Variants in TRIM44 observed in about 807,000 individuals in gnomAD.
The protein encoded by TRIM44 is tripartite motif containing 44, also known as tripartite motif-containing protein 44.
A neutral mutation model predicts 37.4 loss-of-function variants in TRIM44; 13 were observed. The observed-to-expected ratio is 0.35, with a 90% CI of 0.23 to 0.55. TRIM44 has a LOEUF of 0.55. TRIM44 is among the 20% of genes least tolerant of loss of function. TRIM44 has a pLI of 0.89. For synonymous variants in TRIM44, 175 were observed against 157.2 expected, an observed-to-expected ratio of 1.11 and a Z score of -0.85; for missense variants, 426 against 437.2, an observed-to-expected ratio of 0.97 and a Z score of 0.23.
intron 3 of TRIM44, 103 bp from the exon 4 acceptor site, chr11:35,735,323 G>C: frequency 9.4e-7 from 1 of 1,060,816 alleles, no homozygotes; most frequent in Admixed American, 1.8e-5. Flanking sequence ...TAAATGTATA[G>C]TCCATGCATT....
chr11:35,669,946 C>G (rs576451876), intron 1 of TRIM44, among the ~76,000 whole-genome samples: 30 of 152,164 alleles, frequency 2.0e-4, no homozygotes, highest in African/African-American at 7.0e-4. Flanking sequence ...CTCAGCCTCC[C>G]AAGTAGTAGG....
intron 1 of TRIM44, among the ~76,000 whole-genome samples, chr11:35,684,266 A>G (rs1208328705): frequency 6.6e-6 from 1 of 152,250 alleles, no homozygotes; most frequent in East Asian, 1.9e-4. Context: ...TAGCATAAAA[A>G]AAAATCTCAT....
At chr11:35,700,975 A>C (rs1279289633) in intron 2 of TRIM44, among the ~76,000 whole-genome samples, 1 of 152,216 alleles carries the variant, frequency 6.6e-6, no homozygotes, top group Non-Finnish European at 1.5e-5. Context: ...ATAACTACAC[A>C]GAAGATTCAG....
At chr11:35,678,117 T>A (rs1265613358) in intron 1 of TRIM44, among the ~76,000 whole-genome samples, 2 of 152,192 alleles carry the variant, frequency 1.3e-5, no homozygotes, top group Non-Finnish European at 2.9e-5. Context: ...GAGGTCAGAT[T>A]ACCAAGTAGG....
At chr11:35,747,480 C>T (rs1161544378) in intron 4 of TRIM44, among the ~76,000 whole-genome samples, 8 of 152,202 alleles carry the variant, frequency 5.3e-5, no homozygotes, top group Non-Finnish European at 1.2e-4. Flanking sequence ...AACTATTATA[C>T]TGTACTGCCT....
chr11:35,799,751 T>C (rs1260727386), intron 4 of TRIM44, among the ~76,000 whole-genome samples: 1 of 152,150 alleles, frequency 6.6e-6, no homozygotes, highest in Non-Finnish European at 1.5e-5. Flanking sequence ...GGTGAGTTTA[T>C]GTATATAGAT....
intron 1 of TRIM44, among the ~76,000 whole-genome samples, chr11:35,679,513 A>C (rs902042609): frequency 1.3e-5 from 2 of 152,210 alleles, no homozygotes; most frequent in Non-Finnish European, 2.9e-5. Flanking sequence ...TAGCAACTTC[A>C]GATATCTACC....
At chr11:35,756,468 T>C (rs1276770502) in intron 4 of TRIM44, among the ~76,000 whole-genome samples, 6 of 152,316 alleles carry the variant, frequency 3.9e-5, no homozygotes, top group South Asian at 2.1e-4. Context: ...CAATTTGACT[T>C]CCTCTTTTCC....
rs942897417 is a variant in TRIM44, at chr11:35,817,392, G to A, written c.*11007G>A. 2 of 152,182 alleles carry A rather than the reference G, an allele frequency of 1.3e-5. No individual in the cohort carries two copies. Among genetic ancestry groups the A allele is most frequent in the Non-Finnish European group, 2.9e-5 (2 of 68,038 alleles). The allele number at this position is 152,182 out of a possible 1,614,324, so 9.4% of individuals were successfully genotyped here. A position where few individuals can be genotyped will look rare whatever the true frequency, so the allele number is the denominator to read the frequency against. Reference sequence around the variant, plus strand: ...TCTCTCTACATGCGCCTAAAATGACGGGTAGGGTCAGAGACATTGGAGGAT... The same window carrying A: ...TCTCTCTACATGCGCCTAAAATGACAGGTAGGGTCAGAGACATTGGAGGAT... On this transcript the variant is annotated 3_prime_UTR_variant, in exon 5 of 5. Transcript: ENST00000299413.
At chr11:35,676,383 C>T (rs1157877135) in intron 1 of TRIM44, among the ~76,000 whole-genome samples, 1 of 152,182 alleles carries the variant, frequency 6.6e-6, no homozygotes, top group Non-Finnish European at 1.5e-5. Context: ...TGTTCATCCC[C>T]CTCTCCTTCT....
chr11:35,666,819 C>A (rs1322333851), intron 1 of TRIM44, among the ~76,000 whole-genome samples: 2 of 150,238 alleles, frequency 1.3e-5, no homozygotes, highest in African/African-American at 5.1e-5. Flanking sequence ...ATATGATTAA[C>A]TTTTATATAT....
At position 35,791,482 on chromosome 11, in the gene TRIM44, G is replaced by A. The variant is rs745964613; in HGVS notation, c.1008-14876G>A. On this transcript the variant is annotated intron_variant, in intron 4 of 4. Transcript: ENST00000299413. The stretch of plus-strand genomic sequence containing the variant: ...CTGTTCTTTCCCATCTACACCCCCC[G>A]CCCTGACATTTTCTTAGGAGACACT... 7.2e-5 allele frequency among the ~76,000 whole-genome samples: 11 copies of A among 151,812 alleles called. 1 individual carries two copies. Among genetic ancestry groups the A allele is most frequent in the Non-Finnish European group, 1.6e-4 (11 of 67,930 alleles).
intron 2 of TRIM44, among the ~76,000 whole-genome samples, chr11:35,707,100 G>T (rs1283009685): frequency 6.6e-6 from 1 of 152,092 alleles, no homozygotes; most frequent in Non-Finnish European, 1.5e-5. Context: ...AAAATCACAC[G>T]CATTCTTATA....
intron 4 of TRIM44, among the ~76,000 whole-genome samples, chr11:35,768,620 T>C (rs116341090): frequency 2.6e-5 from 4 of 152,346 alleles, no homozygotes; most frequent in Non-Finnish European, 4.4e-5. Flanking sequence ...GAAAATCTTA[T>C]ATTTAGTTGC....
At position 35,810,096 on chromosome 11, in the gene TRIM44, A is replaced by C. The variant is rs1853510166; in HGVS notation, c.*3711A>C. On this transcript the variant is annotated 3_prime_UTR_variant, in exon 5 of 5. Coordinates refer to ENST00000299413, the MANE Select transcript of TRIM44 (RefSeq NM_017583.6). ...AAGTGACAGCCCTGAAGGAAATTGCACTCCAGCCCTCCTCCAGGATGTCTA... is the reference window on the plus strand; with the variant it reads ...AAGTGACAGCCCTGAAGGAAATTGCCCTCCAGCCCTCCTCCAGGATGTCTA... 6.6e-6 allele frequency: 1 copy of C among 152,052 alleles called. No homozygotes were observed. The highest frequency in any genetic ancestry group is 1.5e-5 in the Non-Finnish European group (1 of 68,004). The allele number at this position is 152,052 out of a possible 1,614,324, so 9.4% of individuals were successfully genotyped here.
At position 35,663,479 on chromosome 11, in the gene TRIM44, A is replaced by G. The variant is rs1451329342; in HGVS notation, c.368A>G (p.Glu123Gly). The G allele has an allele frequency of 6.4e-7, 1 of 1,569,722 alleles. No homozygotes were observed. ...TEEESEDESD[E>G]ESEEDSEEEM... ...GAAGAGAGTGAGGATGAGAGCGATG[A>G]GGAGAGTGAAGAAGACAGCGAGGAA... Residue 123 changes from glutamate to glycine, a missense_variant, in exon 1 of 5, where the codon GAG (glutamate) becomes GGG (glycine). Around this residue, in one of 2 missense-constraint regions of TRIM44, gnomAD observed 331 missense variants for 303.0 expected, o/e 1.09. Coordinates refer to ENST00000299413, the MANE Select transcript of TRIM44 (RefSeq NM_017583.6).
intron 4 of TRIM44, among the ~76,000 whole-genome samples, chr11:35,797,443 T>G (rs1254214929): frequency 1.3e-5 from 2 of 152,192 alleles, no homozygotes; most frequent in African/African-American, 4.8e-5. Context: ...TCGTAGTGAC[T>G]TCCTTCCAGA....
chr11:35,808,716 T>C lies in TRIM44; in HGVS notation c.*2331T>C, dbSNP rs1853487863. 1 of 152,232 alleles carries C rather than the reference T, an allele frequency of 6.6e-6. No homozygotes were observed. The highest frequency in any genetic ancestry group is 6.5e-5 in the Admixed American group (1 of 15,282). 9.4% of individuals were successfully genotyped at this position (152,232 alleles called of 1,614,324 possible). A position where few individuals can be genotyped will look rare whatever the true frequency, so the allele number is the denominator to read the frequency against. ...ATAGACTCCTGCTGTCTTCAGTACC[T>C]GATAAAACTTTAACCAGGGAAGCAT... On this transcript the variant is annotated 3_prime_UTR_variant, in exon 5 of 5. Coordinates refer to ENST00000299413, the MANE Select transcript of TRIM44 (RefSeq NM_017583.6).
intron 3 of TRIM44, among the ~76,000 whole-genome samples, chr11:35,728,798 C>T (rs1852217755): frequency 6.6e-6 from 1 of 152,142 alleles, no homozygotes; most frequent in Admixed American, 6.5e-5. Context: ...TGCCTATGTA[C>T]CTACCACCTA....
Sources: allele counts gnomAD v4.1 joint callset (sites outside exome capture counted in the v4.1 genomes callset), GRCh38; gene constraint gnomAD v4.1.1; regional missense constraint gnomAD v4.1.1; transcripts MANE v1.5; gene names NCBI Gene and HGNC (gene_info 2026-07-23, HGNC 2026-07-21).